Variants in FGD5 observed in about 807,000 individuals in gnomAD.
FGD5 encodes the protein FYVE, RhoGEF and PH domain containing 5.
FGD5 carries 28 observed loss-of-function variants against 133.4 expected under a neutral mutation model. The ratio of observed to expected loss-of-function variants is 0.21; its 90% CI spans 0.16 to 0.29. The LOEUF (loss-of-function observed/expected upper bound fraction) is 0.29. Among genes scored for constraint, FGD5 ranks in the 10% least tolerant of loss-of-function variants. The probability of loss-of-function intolerance (pLI) is 1.00; values close to 1 mark genes in which losing one functional copy is unlikely to be tolerated. For missense variants in FGD5, 1,858 were observed against 1,895.2 expected (o/e 0.98, Z 0.36); for synonymous variants, 810 against 776.5 (o/e 1.04, Z -0.72).
At chr3:14,905,602 T>A (rs1447000824) in intron 9 of FGD5, among the ~76,000 whole-genome samples, 1 of 152,188 alleles carries the variant, frequency 6.6e-6, no homozygotes, top group African/African-American at 2.4e-5. Context: ...ACTGATTTTT[T>A]ACTTTCAAAA....
intron 10 of FGD5, among the ~76,000 whole-genome samples, chr3:14,908,742 C>T (rs2038385988): frequency 6.6e-6 from 1 of 150,916 alleles, no homozygotes; most frequent in African/African-American, 2.4e-5. Context: ...AAAAATTAGC[C>T]AGATGTGGTG....
chr3:14,922,677 C>A lies in FGD5; in HGVS notation c.3807+129C>A. ...GCCCCAGAGTGAGGCATGTTCACAC[C>A]AACCCGAGAGGAACAGATTGCTAAT... is the stretch of plus-strand genomic sequence containing the variant. On this transcript the variant is annotated intron_variant, in intron 15 of 19. Coordinates refer to ENST00000285046, the MANE Select transcript of FGD5 (RefSeq NM_152536.4). This position sits in a 1 kb window ranked among gnomAD's most constrained non-coding sequence, Gnocchi z 4.1. The A allele has an allele frequency of 7.8e-7, 1 of 1,279,794 alleles. No homozygotes were observed. Among genetic ancestry groups the A allele is most frequent in the Non-Finnish European group, 1.1e-6 (1 of 940,516 alleles). 79.3% of individuals were successfully genotyped at this position (1,279,794 alleles called of 1,614,324 possible). A position where few individuals can be genotyped will look rare whatever the true frequency, so the allele number is the denominator to read the frequency against.
intron 4 of FGD5, among the ~76,000 whole-genome samples, chr3:14,896,206 A>C (rs2038135052): frequency 6.6e-6 from 1 of 152,218 alleles, no homozygotes; most frequent in Non-Finnish European, 1.5e-5. Context: ...AAATGACAAT[A>C]CTACCCAAGG....
chr3:14,907,029 C>T (rs1037342474), intron 9 of FGD5, among the ~76,000 whole-genome samples: 1 of 152,166 alleles, frequency 6.6e-6, no homozygotes, highest in South Asian at 2.1e-4. Flanking sequence ...CTTTTCAGGG[C>T]AAATTCTCTA....
intron 2 of FGD5, among the ~76,000 whole-genome samples, chr3:14,864,727 T>C (rs950062448): frequency 2.6e-5 from 4 of 152,152 alleles, no homozygotes; most frequent in Non-Finnish European, 5.9e-5. Flanking sequence ...TGTGAGGGGA[T>C]GGAGTTGCTG....
At chr3:14,856,510 G>T (rs2037279242) in intron 1 of FGD5, among the ~76,000 whole-genome samples, 1 of 152,128 alleles carries the variant, frequency 6.6e-6, no homozygotes, top group Non-Finnish European at 1.5e-5. Flanking sequence ...CATGAGCATG[G>T]AATGTCTATT....
intron 2 of FGD5, among the ~76,000 whole-genome samples, chr3:14,875,269 T>A (rs1383041445): frequency 1.3e-5 from 2 of 152,162 alleles, no homozygotes; most frequent in African/African-American, 4.8e-5. Flanking sequence ...TCCCCAGGGC[T>A]TGAAACAGCC....
rs2125104726 is a variant in FGD5, at chr3:14,864,212, C to T, written c.2610C>T (p.Ser870=). The T allele has an allele frequency of 6.2e-7, 1 of 1,614,022 alleles. No individual in the cohort carries two copies. The highest frequency in any genetic ancestry group is 1.3e-5 in the African/African-American group (1 of 75,046). ...EDLTSDEEQR[S]SEEEDSASRD... ...TTACGTCGGATGAAGAGCAGAGAAG[C>T]TCGGAGGAGGAGGACAGTGCTTCAA... The change falls in exon 2 of 20, where the codon AGC becomes AGT. Residue 870 remains serine, a synonymous_variant. Transcript: ENST00000285046.
intron 11 of FGD5, among the ~76,000 whole-genome samples, chr3:14,914,647 C>T (rs1029615567): frequency 2.6e-5 from 4 of 152,128 alleles, no homozygotes; most frequent in African/African-American, 9.7e-5. Flanking sequence ...AACCTGTGCA[C>T]AGGTTCACTG....
intron 4 of FGD5, among the ~76,000 whole-genome samples, chr3:14,888,774 T>C (rs2037970414): frequency 6.6e-6 from 1 of 152,170 alleles, no homozygotes; most frequent in Non-Finnish European, 1.5e-5. Flanking sequence ...AAGATGTGTA[T>C]TGGATGATGG....
At chr3:14,898,198 TG>T (rs1466686622) in intron 6 of FGD5, 103 bp downstream of exon 6, 2 of 1,477,586 alleles carry the variant, frequency 1.4e-6, no homozygotes, top group Non-Finnish European at 9.3e-7. Context: ...GGTGTGGGGC[TG>T]GGGAGCAGAC....
Position 14,897,865 on chromosome 3 carries a change from A to T in FGD5, c.2910-74A>T, listed in dbSNP as rs1053954194. 1.5e-5 allele frequency: 23 copies of T among 1,579,138 alleles called. No homozygotes were observed. The East Asian group carries it at 5.0e-4, about 34-fold the overall frequency. On this transcript the variant is annotated intron_variant, in intron 5 of 19. Transcript: ENST00000285046. ...GATCTGCACCCAGGGATGTGACTCC[A>T]GGCCCCCTGCTTCTAACCCTGCGTT...
chr3:14,831,814 T>G (rs1298050355), intron 1 of FGD5, among the ~76,000 whole-genome samples: 5 of 152,212 alleles, frequency 3.3e-5, no homozygotes, highest in African/African-American at 1.2e-4. Context: ...AAGAAGCCAC[T>G]ACAGAAAGGT....
chr3:14,851,538 C>T (rs946162121), intron 1 of FGD5, among the ~76,000 whole-genome samples: 1 of 152,242 alleles, frequency 6.6e-6, no homozygotes, highest in Non-Finnish European at 1.5e-5. Flanking sequence ...CTGGCTCCAG[C>T]CTCTGCTGCC....
At chr3:14,863,784 C>G (rs1355625656) in intron 1 of FGD5, among the ~76,000 whole-genome samples, 3 of 152,232 alleles carry the variant, frequency 2.0e-5, no homozygotes, top group African/African-American at 4.8e-5. Context: ...AAGGACTAAC[C>G]CTGCCGCCTG....
intron 1 of FGD5, among the ~76,000 whole-genome samples, chr3:14,858,462 C>T (rs1048962135): frequency 6.6e-6 from 1 of 151,978 alleles, no homozygotes; most frequent in Non-Finnish European, 1.5e-5. Flanking sequence ...AGGGCTTTCT[C>T]ATATGTAGTA....
At chr3:14,906,442 C>T (rs1445406483) in intron 9 of FGD5, among the ~76,000 whole-genome samples, 1 of 152,248 alleles carries the variant, frequency 6.6e-6, no homozygotes, top group African/African-American at 2.4e-5. Context: ...CCTAGAGGAG[C>T]AGACCTTTGC....
intron 12 of FGD5, 69 bp from the exon 13 acceptor site, chr3:14,918,685 C>T: frequency 6.7e-7 from 1 of 1,495,464 alleles, no homozygotes; most frequent in South Asian, 1.1e-5. Context: ...TCATCTGCTG[C>T]CAGGAGAAGC....
At chr3:14,826,233 TTC>T (rs1294924621) in intron 1 of FGD5, among the ~76,000 whole-genome samples, 2 of 152,040 alleles carry the variant, frequency 1.3e-5, no homozygotes, top group East Asian at 1.9e-4. Flanking sequence ...TGCACTGGCT[TTC>T]TCTCTCTCTC....
Sources: allele counts gnomAD v4.1 joint callset (sites outside exome capture counted in the v4.1 genomes callset), GRCh38; gene constraint gnomAD v4.1.1; non-coding constraint Gnocchi (gnomAD v3.1); transcripts MANE v1.5; gene names NCBI Gene and HGNC (gene_info 2026-07-23, HGNC 2026-07-21).